ADK: variants seen among roughly 807,000 people sequenced by gnomAD.
The protein encoded by ADK is N6,N6-dimethyladenosine kinase.
Under a neutral mutation model 44.7 loss-of-function variants are expected in ADK, and 24 were observed. That is an observed-to-expected ratio of 0.54 (90% confidence interval 0.39 to 0.76). The LOEUF (loss-of-function observed/expected upper bound fraction) is 0.76, where lower values mean the gene tolerates loss of function less well. Ranked by LOEUF, ADK falls within the 30% of genes least tolerant of loss-of-function variation. The pLI is 0.00. For missense variants in ADK, 321 were observed against 425.1 expected (o/e 0.76, Z 2.15); for synonymous variants, 128 against 142.6 (o/e 0.90, Z 0.73).
At chr10:74,276,099 G>A (rs762491206) in intron 3 of ADK, among the ~76,000 whole-genome samples, 2 of 152,164 alleles carry the variant, frequency 1.3e-5, no homozygotes, top group African/African-American at 4.8e-5. Flanking sequence ...CCCAAAGTGA[G>A]CATAGGATGT....
At chr10:74,396,489 G>A (rs1031111664) in intron 5 of ADK, among the ~76,000 whole-genome samples, 49 of 152,236 alleles carry the variant, frequency 3.2e-4, no homozygotes, top group Admixed American at 2.3e-3. Flanking sequence ...GACTGGGGTC[G>A]TGCTGCCCAC....
At chr10:74,227,441 G>A (rs1341091692) in intron 3 of ADK, among the ~76,000 whole-genome samples, 1 of 152,094 alleles carries the variant, frequency 6.6e-6, no homozygotes, top group Non-Finnish European at 1.5e-5. Flanking sequence ...CTGGCATGGT[G>A]GTTCACATGT....
intron 7 of ADK, among the ~76,000 whole-genome samples, chr10:74,572,806 G>A (rs986928535): frequency 2.0e-5 from 3 of 152,028 alleles, no homozygotes; most frequent in Non-Finnish European, 2.9e-5. Context: ...GGCTCCTGAG[G>A]CTTCTGCATT....
chr10:74,582,194 C>A (rs1044676681), intron 7 of ADK, among the ~76,000 whole-genome samples: 4 of 152,028 alleles, frequency 2.6e-5, no homozygotes, highest in African/African-American at 9.7e-5. Context: ...CATGGTGGTG[C>A]ATACCTGTAG....
chr10:74,207,841 C>CT (rs1362741842), intron 2 of ADK, among the ~76,000 whole-genome samples: 2 of 152,178 alleles, frequency 1.3e-5, no homozygotes, highest in African/African-American at 4.8e-5. Flanking sequence ...GAACCCACCC[C>CT]TTTTTTCCCA....
chr10:74,542,992 C>T (rs1849694422), intron 7 of ADK, among the ~76,000 whole-genome samples: 1 of 151,752 alleles, frequency 6.6e-6, no homozygotes, highest in Non-Finnish European at 1.5e-5. Context: ...CTTCCACTTC[C>T]CGGGTTCAAG....
At chr10:74,155,690 G>A (rs1356342168) in intron 1 of ADK, among the ~76,000 whole-genome samples, 3 of 151,928 alleles carry the variant, frequency 2.0e-5, no homozygotes, top group Non-Finnish European at 2.9e-5. Context: ...CATCACGCCC[G>A]GCCAATTTTT....
chr10:74,511,830 G>T (rs1455599368), intron 6 of ADK, among the ~76,000 whole-genome samples: 2 of 152,056 alleles, frequency 1.3e-5, no homozygotes. Flanking sequence ...AGTACTTCCA[G>T]TACTATGTTG....
intron 3 of ADK, among the ~76,000 whole-genome samples, chr10:74,277,513 C>T (rs2132432114): frequency 6.6e-6 from 1 of 152,222 alleles, no homozygotes; most frequent in East Asian, 1.9e-4. Flanking sequence ...TCTCCTGCCT[C>T]AGCCTCCCAA....
At chr10:74,673,537 T>G (rs1415604866) in intron 10 of ADK, among the ~76,000 whole-genome samples, 1 of 152,142 alleles carries the variant, frequency 6.6e-6, no homozygotes, top group Non-Finnish European at 1.5e-5. Flanking sequence ...AAGAGCGAAC[T>G]CCATACCAGA....
intron 3 of ADK, among the ~76,000 whole-genome samples, chr10:74,295,901 C>T (rs1839793781): frequency 1.3e-5 from 2 of 152,030 alleles, no homozygotes; most frequent in East Asian, 3.8e-4. Flanking sequence ...CAGTATCTTT[C>T]TGTGATTTTT....
chr10:74,186,929 A>G (rs1370612937), intron 1 of ADK, among the ~76,000 whole-genome samples: 1 of 152,108 alleles, frequency 6.6e-6, no homozygotes, highest in African/African-American at 2.4e-5. Context: ...ATTTTTGTAT[A>G]TATCTTTATG....
intron 7 of ADK, among the ~76,000 whole-genome samples, chr10:74,540,442 T>A (rs1849588545): frequency 6.6e-6 from 1 of 151,976 alleles, no homozygotes; most frequent in Non-Finnish European, 1.5e-5. Context: ...ATATATTTAA[T>A]GTTCTTATTT....
At chr10:74,576,623 A>G (rs1375998070) in intron 7 of ADK, among the ~76,000 whole-genome samples, 1 of 152,166 alleles carries the variant, frequency 6.6e-6, no homozygotes, top group Non-Finnish European at 1.5e-5. Flanking sequence ...TTCTGAGATA[A>G]GTGTAGGTGG....
At chr10:74,308,967 TA>T (rs202074210) in intron 3 of ADK, among the ~76,000 whole-genome samples, 3,368 of 152,244 alleles carry the variant, frequency 0.022, 126 homozygotes, top group African/African-American at 0.077. Flanking sequence ...CTGGAAATTG[TA>T]AAGTGTTGGT....
At chr10:74,382,566 C>T (rs1204885224) in intron 4 of ADK, among the ~76,000 whole-genome samples, 1 of 152,016 alleles carries the variant, frequency 6.6e-6, no homozygotes, top group African/African-American at 2.4e-5. Flanking sequence ...ATTTTTTTAT[C>T]CCTAGTTTTG....
In ADK at chr10:74,479,044, G is replaced by A. The variant is rs1442485476; in HGVS notation, c.556-46212G>A. On this transcript the variant is annotated intron_variant, in intron 6 of 10. Coordinates refer to ENST00000539909, the MANE Select transcript of ADK (RefSeq NM_006721.4). ...GACAGGGTCTTACTCTGTCTCCCAG[G>A]CTGGAGTGCAGTGGCATGATCTCTG... Among the ~76,000 whole-genome samples the A allele has an allele frequency of 2.0e-5, 3 of 151,968 alleles. No homozygotes were observed. In the East Asian group the frequency reaches 5.8e-4, roughly 29 times the overall value.
At chr10:74,381,216 G>A (rs1233600397) in intron 4 of ADK, among the ~76,000 whole-genome samples, 1 of 152,124 alleles carries the variant, frequency 6.6e-6, no homozygotes, top group African/African-American at 2.4e-5. Flanking sequence ...TAAAATCATA[G>A]CCAAAAGAGT....
Position 74,567,005 on chromosome 10 carries a change from A to G in ADK, c.727-22277A>G, listed in dbSNP as rs541879630. On this transcript the variant is annotated intron_variant, in intron 7 of 10. Transcript: ENST00000539909. Reference sequence around the variant, plus strand: ...TCATTGAATTTTAGAGTTAGAAAAGACTTTAGAAAGTGTTATTAGCCTCTC... The same window carrying G: ...TCATTGAATTTTAGAGTTAGAAAAGGCTTTAGAAAGTGTTATTAGCCTCTC... Among the ~76,000 whole-genome samples the G allele has an allele frequency of 3.3e-5, 5 of 152,304 alleles. 1 individual carries two copies. Among genetic ancestry groups the G allele is most frequent in the African/African-American group, 1.2e-4 (5 of 41,562 alleles).
Sources: allele counts gnomAD v4.1 joint callset (sites outside exome capture counted in the v4.1 genomes callset), GRCh38; gene constraint gnomAD v4.1.1; transcripts MANE v1.5; gene names NCBI Gene and HGNC (gene_info 2026-07-23, HGNC 2026-07-21).